ZDHHC11: variants seen among roughly 807,000 people sequenced by gnomAD.
ZDHHC11 encodes the protein palmitoyltransferase ZDHHC11.
In ZDHHC11, 44 loss-of-function variants were observed where a neutral mutation model predicts 51.3. That is an observed-to-expected ratio of 0.86 (90% CI 0.67 to 1.10). The LOEUF (loss-of-function observed/expected upper bound fraction) is 1.10. ZDHHC11 is among the 50% of genes least tolerant of loss of function. The pLI, the probability that ZDHHC11 is intolerant of heterozygous loss-of-function variation, is 0.00. For missense variants in ZDHHC11, 400 were observed against 537.7 expected (o/e 0.74, Z 2.53); for synonymous variants, 163 against 222.0 (o/e 0.73, Z 2.36).
chr5:802,918 G>T (rs1738681670), intron 11 of ZDHHC11, among the ~76,000 whole-genome samples: 1 of 143,568 alleles, frequency 7.0e-6, no homozygotes, highest in African/African-American at 2.5e-5. Context: ...TTACTTGGGA[G>T]GCTGAGGCAG....
intron 11 of ZDHHC11, 135 bp downstream of exon 11, chr5:814,626 G>A (rs1579590614): frequency 1.5e-5 from 15 of 996,138 alleles, no homozygotes; most frequent in Non-Finnish European, 1.9e-5. Flanking sequence ...TAAATGTTCA[G>A]AGAAACATTT....
At position 856,362 on chromosome 5, in the gene ZDHHC11, A is replaced by T. The variant is rs1365910213; in HGVS notation, c.-1+2512T>A. 2.0e-5 allele frequency among the ~76,000 whole-genome samples: 3 copies of T among 151,482 alleles called. No individual in the cohort carries two copies. In the East Asian group the frequency reaches 5.8e-4, roughly 29 times the overall value. The stretch of plus-strand genomic sequence containing the variant: ...CCACACAATACATACCACATATATC[A>T]TACAACACAGACCACCCACAACACA... On this transcript the variant is annotated intron_variant, in intron 1 of 3. Transcript: ENST00000685990.
chr5:855,044 G>C (rs1274377570), upstream of ZDHHC11, among the ~76,000 whole-genome samples: 2 of 143,964 alleles, frequency 1.4e-5, no homozygotes, highest in Non-Finnish European at 3.0e-5. Flanking sequence ...ACCCACAGAG[G>C]ACAGCAAGCC....
chr5:822,267 G>A (rs1490336644), intron 8 of ZDHHC11, among the ~76,000 whole-genome samples: 1 of 151,228 alleles, frequency 6.6e-6, no homozygotes, highest in African/African-American at 2.4e-5. Flanking sequence ...CAAAGACACA[G>A]ACAGAGGGAA....
Position 837,375 on chromosome 5 carries a change from C to T in ZDHHC11, c.890G>A (p.Gly297Glu). The T allele has an allele frequency of 6.2e-7, 1 of 1,613,792 alleles. No homozygotes were observed. Among genetic ancestry groups the T allele is most frequent in the South Asian group, 1.1e-5 (1 of 91,074 alleles). ...AGAGACAGGTGGTACCTGGAGAACTCCTTTGTCCATTTGCACGTATGGATC... is the reference window on the plus strand; with the variant it reads ...AGAGACAGGTGGTACCTGGAGAACTTCTTTGTCCATTTGCACGTATGGATC... Reference protein sequence around the residue: ...RKDPYVQMDKGVLQQGAGALG... With the variant: ...RKDPYVQMDKEVLQQGAGALG... Residue 297 changes from glycine to glutamate, a missense_variant, in exon 6 of 13, where the codon GGA becomes GAA. Physicochemically the swap from Gly to Glu is moderately conservative, Grantham distance 98. Transcript: ENST00000283441.
chr5:847,002 G>T (rs1445936210), intron 3 of ZDHHC11, among the ~76,000 whole-genome samples: 1 of 151,450 alleles, frequency 6.6e-6, no homozygotes, highest in Non-Finnish European at 1.5e-5. Flanking sequence ...CCGTGCTCAG[G>T]GAAACATCTC....
chr5:817,788 ATT>A (rs1441949519), intron 10 of ZDHHC11, among the ~76,000 whole-genome samples: 3 of 151,174 alleles, frequency 2.0e-5, no homozygotes, highest in African/African-American at 7.3e-5. Flanking sequence ...GGCACCTTCC[ATT>A]TAAGCCAAAC....
intron 7 of ZDHHC11, among the ~76,000 whole-genome samples, chr5:828,463 C>T (rs1196750862): frequency 1.9e-4 from 29 of 151,404 alleles, no homozygotes; most frequent in African/African-American, 6.6e-4. Context: ...GGCTGACCCC[C>T]CACCTCCCTC....
intron 10 of ZDHHC11, among the ~76,000 whole-genome samples, chr5:818,175 G>A (rs190874097): frequency 2.6e-5 from 4 of 151,358 alleles, no homozygotes; most frequent in Admixed American, 6.6e-5. Flanking sequence ...CATCTACACC[G>A]AGATGCTGCA....
upstream of ZDHHC11, among the ~76,000 whole-genome samples, chr5:854,417 ACAGACCCTACAGAGGACAGAG>A (rs1747819242): frequency 7.2e-6 from 1 of 139,416 alleles, no homozygotes; most frequent in Admixed American, 7.1e-5. Flanking sequence ...GCCGGGGGGC[ACAGACCCTACAGAGGACAGAG>A]AGCCGGGGAG....
At chr5:842,058 G>A (rs1314867701) in intron 4 of ZDHHC11, 4 of 986,548 alleles carry the variant, frequency 4.1e-6, no homozygotes, top group Non-Finnish European at 4.8e-6. Flanking sequence ...GCTTTGCTCA[G>A]GGCCTTGCTG....
rs1416175581 is a variant in ZDHHC11 at position 817,465 on chromosome 5, CACTTGGGGAAA to C, written c.1146+2049_1146+2059del. Reference sequence around the variant, plus strand: ...TATTTTTGTGGGTATGTATATATCTCACTTGGGGAAAACTTTAAAAACACACTTGAAAAAAC... The same window carrying C: ...TATTTTTGTGGGTATGTATATATCTCACTTTAAAAACACACTTGAAAAAAC... On this transcript the variant is annotated intron_variant, in intron 10 of 12. Coordinates refer to ENST00000283441, the MANE Select transcript of ZDHHC11 (RefSeq NM_024786.3). Among the ~76,000 whole-genome samples the C allele has an allele frequency of 3.3e-5, 5 of 151,414 alleles. 1 individual carries two copies. The highest frequency in any genetic ancestry group is 7.4e-5 in the Non-Finnish European group (5 of 67,712).
upstream of ZDHHC11, among the ~76,000 whole-genome samples, chr5:851,141 C>G (rs546995863): frequency 3.9e-5 from 6 of 152,352 alleles, no homozygotes; most frequent in East Asian, 9.7e-4. Flanking sequence ...TGAAACCTGC[C>G]AGATCCTCCC....
intron 7 of ZDHHC11, among the ~76,000 whole-genome samples, chr5:825,526 C>A (rs1238433523): frequency 1.2e-4 from 18 of 152,264 alleles, no homozygotes; most frequent in African/African-American, 4.3e-4. Flanking sequence ...ACCTGCCCTA[C>A]ACCAGTGCCT....
At chr5:817,572 A>C (rs1740974671) in intron 10 of ZDHHC11, among the ~76,000 whole-genome samples, 1 of 151,414 alleles carries the variant, frequency 6.6e-6, no homozygotes, top group African/African-American at 2.4e-5. Context: ...ATTTAAGAGG[A>C]CAACTGTATA....
In ZDHHC11 at chr5:822,505, G is replaced by T. The variant is rs545985367; in HGVS notation, c.1024-610C>A. On this transcript the variant is annotated intron_variant, in intron 8 of 12. Coordinates refer to ENST00000283441, the MANE Select transcript of ZDHHC11 (RefSeq NM_024786.3). ...CACATGTTGTTCTCAGTGCTCTTGG[G>T]TAAGAACCTGGGAGTGGGAGTGCTG... Among the ~76,000 whole-genome samples the T allele has an allele frequency of 1.0e-3, 153 of 149,952 alleles. 6 individuals carry two copies. Among genetic ancestry groups the T allele is most frequent in the African/African-American group, 1.6e-3 (63 of 40,344 alleles).
chr5:816,815 G>T (rs1740859318), intron 10 of ZDHHC11: 13 of 476,348 alleles, frequency 2.7e-5, no homozygotes, highest in Non-Finnish European at 5.3e-5. Flanking sequence ...AGTCTTAAAA[G>T]GTTTGATGGC....
chr5:800,604 A>G (rs1451513379), intron 12 of ZDHHC11, among the ~76,000 whole-genome samples: 4 of 151,398 alleles, frequency 2.6e-5, no homozygotes, highest in African/African-American at 9.7e-5. Context: ...TTAGCCTTCT[A>G]GTGAGTAAAC....
upstream of ZDHHC11, among the ~76,000 whole-genome samples, chr5:851,613 T>C (rs1323663654): frequency 1.3e-5 from 2 of 152,220 alleles, no homozygotes; most frequent in African/African-American, 4.8e-5. Context: ...TGAACGTCCA[T>C]GATACAGTGG....
Sources: gnomAD v4.1 joint callset for allele counts (sites outside exome capture counted in the v4.1 genomes callset) on GRCh38, gnomAD v4.1.1 for gene constraint, MANE v1.5 for transcripts, NCBI Gene and HGNC (gene_info 2026-07-23, HGNC 2026-07-21) for gene names.